Variants in PRTFDC1 observed in about 807,000 individuals in gnomAD.
PRTFDC1 encodes the protein phosphoribosyltransferase domain-containing protein 1.
PRTFDC1 carries 38 observed loss-of-function variants against 34.6 expected under a neutral mutation model. The ratio of observed to expected loss-of-function variants is 1.10; its 90% CI spans 0.85 to 1.44. The LOEUF is 1.44. Ranked by LOEUF, PRTFDC1 falls within the 40% of genes most tolerant of loss-of-function variation. The pLI is 0.00. For synonymous variants in PRTFDC1, 93 were observed against 98.1 expected, an observed-to-expected ratio of 0.95 and a Z score of 0.31; for missense variants, 270 against 283.0, an observed-to-expected ratio of 0.95 and a Z score of 0.33.
At chr10:24,879,498 CA>C (rs1848028732) in intron 3 of PRTFDC1, among the ~76,000 whole-genome samples, 1 of 152,106 alleles carries the variant, frequency 6.6e-6, no homozygotes, top group Non-Finnish European at 1.5e-5. Context: ...TGCGTGCCAC[CA>C]TGCCCGGCTG....
At chr10:24,914,826 C>T (rs1034783428) in intron 3 of PRTFDC1, among the ~76,000 whole-genome samples, 2 of 152,196 alleles carry the variant, frequency 1.3e-5, no homozygotes, top group Admixed American at 6.5e-5. Context: ...CAAGTAGCTT[C>T]TACCTCAGGC....
At chr10:24,925,687 A>G (rs111822977) in intron 3 of PRTFDC1, among the ~76,000 whole-genome samples, 1 of 151,934 alleles carries the variant, frequency 6.6e-6, no homozygotes, top group Non-Finnish European at 1.5e-5. Context: ...TGTGATTAAT[A>G]CTAATAACAC....
chr10:24,923,486 C>T (rs993936558), intron 3 of PRTFDC1, among the ~76,000 whole-genome samples: 31 of 152,310 alleles, frequency 2.0e-4, no homozygotes, highest in South Asian at 6.2e-4. Context: ...TGTTCTGCAG[C>T]CTCCGCTGGT....
chr10:24,879,374 G>A lies in PRTFDC1; in HGVS notation c.340-7311C>T, dbSNP rs139216035. 1.0e-2 allele frequency among the ~76,000 whole-genome samples: 1,505 copies of A among 151,012 alleles called. 27 individuals carry two copies. The highest frequency in any genetic ancestry group is 0.034 in the African/African-American group (1,390 of 41,056). ...TTTTTTTTTTTTGAGATGGGGTTTCGCTCTTGTTACCCAGGCTGCAGTGCA... is the reference window on the plus strand; with the variant it reads ...TTTTTTTTTTTTGAGATGGGGTTTCACTCTTGTTACCCAGGCTGCAGTGCA... On this transcript the variant is annotated intron_variant, in intron 3 of 8. Transcript: ENST00000320152.
chr10:24,859,197 C>T (rs1258991287), intron 4 of PRTFDC1, among the ~76,000 whole-genome samples: 2 of 152,134 alleles, frequency 1.3e-5, no homozygotes, highest in Non-Finnish European at 2.9e-5. Context: ...TATGACACCT[C>T]CCCCTCTTTC....
In PRTFDC1 at chr10:24,857,299, G is replaced by A. The variant is rs144375268; in HGVS notation, c.424-304C>T. On this transcript the variant is annotated intron_variant, in intron 5 of 8. Transcript: ENST00000320152. ...GTTGAGTACACTTGGACTTGTGTCT[G>A]CACATTCAAGGACTAAATTTGGCCC... Among the ~76,000 whole-genome samples, 151 of 152,304 alleles carry A rather than the reference G, an allele frequency of 9.9e-4. 1 individual carries two copies. The highest frequency in any genetic ancestry group is 3.4e-3 in the African/African-American group (143 of 41,562).
chr10:24,929,212 A>G (rs1384283138), intron 3 of PRTFDC1, among the ~76,000 whole-genome samples: 1 of 152,114 alleles, frequency 6.6e-6, no homozygotes, highest in Non-Finnish European at 1.5e-5. Flanking sequence ...ATTCCTCACA[A>G]GCACAGATAA....
intron 4 of PRTFDC1, 134 bp from the exon 5 acceptor site, chr10:24,858,543 A>G (rs2132493686): frequency 1.2e-6 from 1 of 839,918 alleles, no homozygotes; most frequent in Non-Finnish European, 1.9e-6. Flanking sequence ...AATTCAAAGG[A>G]CTAGAGGTGA....
intron 3 of PRTFDC1, among the ~76,000 whole-genome samples, chr10:24,915,004 G>C (rs1455684394): frequency 6.6e-6 from 1 of 152,074 alleles, no homozygotes; most frequent in Admixed American, 6.6e-5. Context: ...TAACTACCTG[G>C]GTGATGGGTG....
At chr10:24,904,738 T>C (rs1048046922) in intron 3 of PRTFDC1, among the ~76,000 whole-genome samples, 1 of 152,168 alleles carries the variant, frequency 6.6e-6, no homozygotes, top group African/African-American at 2.4e-5. Context: ...ATTTGTTCCT[T>C]TACCTATGCT....
chr10:24,853,579 C>T (rs879423423), intron 7 of PRTFDC1, among the ~76,000 whole-genome samples: 17 of 151,990 alleles, frequency 1.1e-4, no homozygotes, highest in Admixed American at 7.9e-4. Flanking sequence ...CTGCACTGGG[C>T]GACAGAGTCA....
intron 3 of PRTFDC1, among the ~76,000 whole-genome samples, chr10:24,886,167 T>G (rs1429587583): frequency 5.9e-5 from 9 of 152,166 alleles, no homozygotes; most frequent in Non-Finnish European, 2.9e-5. Flanking sequence ...TAATGTAGGT[T>G]TTATTGTAAC....
chr10:24,932,751 A>C, intron 3 of PRTFDC1, among the ~76,000 whole-genome samples: 1 of 152,222 alleles, frequency 6.6e-6, no homozygotes, highest in Non-Finnish European at 1.5e-5. Flanking sequence ...ATAAAATTCT[A>C]ATGTGTTATT....
intron 3 of PRTFDC1, among the ~76,000 whole-genome samples, chr10:24,911,485 A>G (rs1396671624): frequency 6.6e-6 from 1 of 152,158 alleles, no homozygotes; most frequent in East Asian, 1.9e-4. Context: ...TCATTCCTTC[A>G]TCAGTTTGTG....
At chr10:24,880,881 C>CTT (rs1848066574) in intron 3 of PRTFDC1, among the ~76,000 whole-genome samples, 1 of 68,690 alleles carries the variant, frequency 1.5e-5, no homozygotes, top group African/African-American at 5.4e-5. Flanking sequence ...CTTTCTTTCC[C>CTT]TCTTTCCTTC....
rs901083967 is a variant in PRTFDC1 at position 24,848,935 on chromosome 10, T to A, written c.*909A>T. 6.6e-6 allele frequency: 1 copy of A among 152,224 alleles called. No individual in the cohort carries two copies. The highest frequency in any genetic ancestry group is 2.4e-5 in the African/African-American group (1 of 41,472). 9.4% of individuals were successfully genotyped at this position (152,224 alleles called of 1,614,324 possible). A position where few individuals can be genotyped will look rare whatever the true frequency, so the allele number is the denominator to read the frequency against. On this transcript the variant is annotated 3_prime_UTR_variant, in exon 9 of 9. Coordinates refer to ENST00000320152, the MANE Select transcript of PRTFDC1 (RefSeq NM_020200.7). Reference sequence around the variant, plus strand: ...TCTTTTAAAGATATTTTTTAAAAAATTCAACCTCTGTCTTCACATTTAGGA... The same window carrying A: ...TCTTTTAAAGATATTTTTTAAAAAAATCAACCTCTGTCTTCACATTTAGGA...
chr10:24,928,640 C>CA lies in PRTFDC1; in HGVS notation c.339+8543dup, dbSNP rs1326264427. 2.0e-5 allele frequency among the ~76,000 whole-genome samples: 3 copies of CA among 152,166 alleles called. No individual in the cohort carries two copies. The East Asian group carries it at 5.9e-4, about 30-fold the overall frequency. On this transcript the variant is annotated intron_variant, in intron 3 of 8. Coordinates refer to ENST00000320152, the MANE Select transcript of PRTFDC1 (RefSeq NM_020200.7). Reference sequence around the variant, plus strand: ...TGTATTTTTAGTAGAGATGGGGTTTCACCATGTTGGCCAGGCTGGCCTGGA... The same window carrying CA: ...TGTATTTTTAGTAGAGATGGGGTTTCAACCATGTTGGCCAGGCTGGCCTGGA...
chr10:24,901,569 TA>T (rs893939167), intron 3 of PRTFDC1, among the ~76,000 whole-genome samples: 11 of 149,176 alleles, frequency 7.4e-5, no homozygotes, highest in Non-Finnish European at 1.2e-4. Context: ...TACAGAAAGT[TA>T]AAAAAAAAAT....
intron 3 of PRTFDC1, among the ~76,000 whole-genome samples, chr10:24,881,993 G>A (rs1290242180): frequency 6.6e-6 from 1 of 151,944 alleles, no homozygotes; most frequent in East Asian, 1.9e-4. Flanking sequence ...GATCACCAGA[G>A]GTCAGGAGTT....
Sources: gnomAD v4.1 joint callset for allele counts (sites outside exome capture counted in the v4.1 genomes callset) on GRCh38, gnomAD v4.1.1 for gene constraint, MANE v1.5 for transcripts, NCBI Gene and HGNC (gene_info 2026-07-23, HGNC 2026-07-21) for gene names.